BLTP3A: variants seen among roughly 807,000 people sequenced by gnomAD.
BLTP3A encodes the protein ICBP90 binding protein 1.
chr6:34,809,260 G>A, the BLTP3A span, among the ~76,000 whole-genome samples: 2 of 152,036 alleles, frequency 1.3e-5, no homozygotes, highest in Non-Finnish European at 2.9e-5. Context: ...GGGCGTGGTG[G>A]TGCATGCCAC....
At chr6:34,842,185 T>C in the BLTP3A span, among the ~76,000 whole-genome samples, 1 of 152,184 alleles carries the variant, frequency 6.6e-6, no homozygotes, top group Admixed American at 6.6e-5. Flanking sequence ...TGGAACCTTC[T>C]TCCTCCAGTA....
the BLTP3A span, among the ~76,000 whole-genome samples, chr6:34,810,215 G>A: frequency 6.6e-6 from 1 of 152,110 alleles, no homozygotes; most frequent in Non-Finnish European, 1.5e-5. Context: ...ATCATTAGTG[G>A]CACATTGTGT....
the BLTP3A span, among the ~76,000 whole-genome samples, chr6:34,810,938 A>G: frequency 6.6e-6 from 1 of 152,256 alleles, no homozygotes; most frequent in Non-Finnish European, 1.5e-5. Context: ...GTATCTACAT[A>G]TATTTTATGC....
the BLTP3A span, among the ~76,000 whole-genome samples, chr6:34,841,380 T>C: frequency 6.6e-6 from 1 of 152,212 alleles, no homozygotes; most frequent in Admixed American, 6.5e-5. Flanking sequence ...CAGTCTATAT[T>C]TCTATTAGAT....
At chr6:34,828,088 C>T in the BLTP3A span, among the ~76,000 whole-genome samples, 1 of 152,116 alleles carries the variant, frequency 6.6e-6, no homozygotes, top group African/African-American at 2.4e-5. Flanking sequence ...TATTGTCCCA[C>T]CTTTTTTCTG....
At chr6:34,835,185 C>A in the BLTP3A span, 2 of 1,183,974 alleles carry the variant, frequency 1.7e-6, no homozygotes, top group East Asian at 4.7e-5. Context: ...TTGATACTTT[C>A]ACATATTGGA....
At chr6:34,801,565 C>G in the BLTP3A span, among the ~76,000 whole-genome samples, 1 of 152,116 alleles carries the variant, frequency 6.6e-6, no homozygotes, top group Non-Finnish European at 1.5e-5. Flanking sequence ...GGAATAATCT[C>G]ACATAAAGAA....
chr6:34,823,146 A>G, the BLTP3A span: 7 of 868,800 alleles, frequency 8.1e-6, no homozygotes, highest in Admixed American at 1.1e-4. Context: ...CACAATGGGT[A>G]TAGCACTTGA....
the BLTP3A span, among the ~76,000 whole-genome samples, chr6:34,852,231 G>T: frequency 6.6e-6 from 1 of 152,058 alleles, no homozygotes; most frequent in Non-Finnish European, 1.5e-5. Flanking sequence ...AGTGCACTGG[G>T]TCACACCTGA....
the BLTP3A span, among the ~76,000 whole-genome samples, chr6:34,793,585 C>G: frequency 1.3e-5 from 2 of 152,164 alleles, no homozygotes; most frequent in African/African-American, 2.4e-5. Context: ...TTAATCACCA[C>G]GTAGTAAAAG....
the BLTP3A span, among the ~76,000 whole-genome samples, chr6:34,826,026 A>ATTCTT: frequency 2.6e-4 from 20 of 76,642 alleles, 2 homozygotes; most frequent in African/African-American, 6.7e-4. Flanking sequence ...TACATTTTGC[A>ATTCTT]TTTTTTTTTT....
At chr6:34,864,202 T>C in the BLTP3A span, 3 of 1,611,918 alleles carry the variant, frequency 1.9e-6, no homozygotes, top group Non-Finnish European at 2.5e-6. Flanking sequence ...GAGTCTGGTA[T>C]GTGGGAGCAG....
chr6:34,844,712 AT>A, the BLTP3A span, among the ~76,000 whole-genome samples: 6 of 151,882 alleles, frequency 4.0e-5, no homozygotes, highest in Admixed American at 6.6e-5. Context: ...GGATTATTAG[AT>A]TTTTTTTCCT....
chr6:34,792,722 T>G, the BLTP3A span, among the ~76,000 whole-genome samples: 2 of 152,202 alleles, frequency 1.3e-5, no homozygotes, highest in Non-Finnish European at 2.9e-5. Context: ...TTCTCTGGCC[T>G]TCGGGCCCCT....
chr6:34,800,371 G>A, the BLTP3A span, among the ~76,000 whole-genome samples: 1 of 152,182 alleles, frequency 6.6e-6, no homozygotes, highest in Non-Finnish European at 1.5e-5. Flanking sequence ...TGTCTTGGTT[G>A]CTTTGAAATC....
At chr6:34,824,164 C>T in the BLTP3A span, among the ~76,000 whole-genome samples, 1 of 152,014 alleles carries the variant, frequency 6.6e-6, no homozygotes. Context: ...TGGTTGTGAA[C>T]CCACCTGCAA....
the BLTP3A span, among the ~76,000 whole-genome samples, chr6:34,819,136 TTTTTC>T: frequency 1.1e-4 from 14 of 132,104 alleles, no homozygotes; most frequent in African/African-American, 4.1e-4. Flanking sequence ...ATTTAGACAG[TTTTTC>T]TTTTTTTTTT....
the BLTP3A span, chr6:34,792,305 C>A: frequency 6.5e-7 from 1 of 1,541,090 alleles, no homozygotes; most frequent in Non-Finnish European, 8.8e-7. Context: ...GTGAGAGCGC[C>A]AGCGCCGGCC....
chr6:34,857,384 G>A, the BLTP3A span: 143 of 1,614,108 alleles, frequency 8.9e-5, 1 homozygote, highest in African/African-American at 2.7e-4. Context: ...TCCTGCAGTC[G>A]GAAACTTCAC....
Sources: allele counts gnomAD v4.1 joint callset (sites outside exome capture counted in the v4.1 genomes callset), GRCh38; gene constraint gnomAD v4.1.1; transcripts MANE v1.5; gene names NCBI Gene and HGNC (gene_info 2026-07-23, HGNC 2026-07-21).